Variants in MARCHF1 observed in about 807,000 individuals in gnomAD.
MARCHF1 encodes E3 ubiquitin-protein ligase MARCHF1.
A neutral mutation model predicts 54.2 loss-of-function variants in MARCHF1; 40 were observed. The ratio of observed to expected loss-of-function variants is 0.74; its 90% confidence interval spans 0.57 to 0.96. The LOEUF (loss-of-function observed/expected upper bound fraction) is 0.96, where lower values mean the gene tolerates loss of function less well. Ranked by LOEUF, MARCHF1 falls within the 40% of genes least tolerant of loss-of-function variation. The pLI is 0.00. For missense variants in MARCHF1, 586 were observed against 656.5 expected, an observed-to-expected ratio of 0.89 and a Z score of 1.17; for synonymous variants, 236 against 236.3, an observed-to-expected ratio of 1.00 and a Z score of 0.01.
chr4:163,878,677 A>T (rs749778608), intron 3 of MARCHF1, among the ~76,000 whole-genome samples: 2 of 152,096 alleles, frequency 1.3e-5, no homozygotes, highest in Non-Finnish European at 1.5e-5. Context: ...TAGTTGAAGG[A>T]CTCTTTCCCT....
chr4:163,733,222 CA>C (rs1745921249), intron 4 of MARCHF1, among the ~76,000 whole-genome samples: 1 of 13,060 alleles, frequency 7.7e-5, no homozygotes, highest in African/African-American at 1.6e-4. Context: ...TATATATATA[CA>C]CGTGTATATA....
chr4:163,598,605 C>T (rs1740846884), intron 7 of MARCHF1, among the ~76,000 whole-genome samples: 1 of 152,140 alleles, frequency 6.6e-6, no homozygotes, highest in Admixed American at 6.5e-5. Flanking sequence ...ATTTGAGCAA[C>T]TAAACATAGA....
At chr4:163,985,331 A>C (rs945136459) in intron 3 of MARCHF1, among the ~76,000 whole-genome samples, 2 of 152,120 alleles carry the variant, frequency 1.3e-5, no homozygotes, top group African/African-American at 4.8e-5. Flanking sequence ...TCCCTTCTCT[A>C]ACCCTTAATA....
intron 3 of MARCHF1, among the ~76,000 whole-genome samples, chr4:163,888,789 A>G (rs1200400298): frequency 6.6e-6 from 1 of 152,106 alleles, no homozygotes; most frequent in East Asian, 1.9e-4. Flanking sequence ...TGGCAGCCAG[A>G]GGTCCTCTTC....
intron 1 of MARCHF1, among the ~76,000 whole-genome samples, chr4:164,208,295 T>C (rs367616819): frequency 2.0e-5 from 3 of 152,296 alleles, no homozygotes; most frequent in East Asian, 3.9e-4. Flanking sequence ...AGAATTTAAA[T>C]TGCATCTAGA....
intron 7 of MARCHF1, among the ~76,000 whole-genome samples, chr4:163,591,247 G>C (rs1236102164): frequency 6.6e-6 from 1 of 151,860 alleles, no homozygotes; most frequent in African/African-American, 2.4e-5. Context: ...GTCTGTCTTT[G>C]AGAATTTCCT....
At chr4:163,876,085 C>T (rs1750280648) in intron 3 of MARCHF1, among the ~76,000 whole-genome samples, 1 of 152,058 alleles carries the variant, frequency 6.6e-6, no homozygotes. Flanking sequence ...TAAATATTCA[C>T]AGAAATTATA....
chr4:163,939,377 G>A (rs576652492), intron 3 of MARCHF1, among the ~76,000 whole-genome samples: 2 of 152,268 alleles, frequency 1.3e-5, no homozygotes, highest in African/African-American at 2.4e-5. Context: ...TGATGCAGAT[G>A]ACTTATTTGA....
At chr4:164,100,946 T>C (rs1049973533) in intron 2 of MARCHF1, among the ~76,000 whole-genome samples, 3 of 152,194 alleles carry the variant, frequency 2.0e-5, no homozygotes, top group Non-Finnish European at 2.9e-5. Flanking sequence ...ATTGCCTCAC[T>C]TGGGAAGCGC....
chr4:163,704,938 AATG>A (rs1744907341), intron 4 of MARCHF1, among the ~76,000 whole-genome samples: 1 of 151,720 alleles, frequency 6.6e-6, no homozygotes, highest in Non-Finnish European at 1.5e-5. Context: ...GAACAAAAAA[AATG>A]ATATCAGAAA....
intron 7 of MARCHF1, among the ~76,000 whole-genome samples, chr4:163,605,596 C>G (rs12502313): frequency 1.8e-4 from 28 of 152,252 alleles, no homozygotes; most frequent in Admixed American, 1.8e-3. Flanking sequence ...ACTATCAAGA[C>G]ACATGCACAT....
intron 2 of MARCHF1, among the ~76,000 whole-genome samples, chr4:164,059,665 C>T (rs561347646): frequency 6.6e-6 from 1 of 152,072 alleles, no homozygotes. Flanking sequence ...TAAAAATTAA[C>T]CTGATGCAAA....
At chr4:164,032,290 G>A (rs919916889) in intron 2 of MARCHF1, among the ~76,000 whole-genome samples, 2 of 152,118 alleles carry the variant, frequency 1.3e-5, no homozygotes, top group Non-Finnish European at 2.9e-5. Flanking sequence ...CCAGCTCTTG[G>A]ATTCATTGAT....
At chr4:163,828,275 A>G (rs1748912530) in intron 4 of MARCHF1, among the ~76,000 whole-genome samples, 1 of 152,196 alleles carries the variant, frequency 6.6e-6, no homozygotes, top group Non-Finnish European at 1.5e-5. Context: ...GGACCAACCT[A>G]TAGATGTGTG....
chr4:164,183,809 G>A (rs1420036738), intron 1 of MARCHF1, among the ~76,000 whole-genome samples: 1 of 152,182 alleles, frequency 6.6e-6, no homozygotes, highest in Non-Finnish European at 1.5e-5. Context: ...TAAAGGTCAG[G>A]ATTGTATGGG....
At chr4:163,722,454 G>T (rs139182001) in intron 4 of MARCHF1, among the ~76,000 whole-genome samples, 3,721 of 152,230 alleles carry the variant, frequency 0.024, 155 homozygotes, top group African/African-American at 0.084. Context: ...TTCCAACTAT[G>T]TGGTCAATTT....
chr4:164,254,110 T>C lies in MARCHF1; in HGVS notation c.-323+129760A>G, dbSNP rs145387764. Among the ~76,000 whole-genome samples the C allele has an allele frequency of 7.7e-3, 1,176 of 152,232 alleles. 11 individuals carry two copies. Among genetic ancestry groups the C allele is most frequent in the Middle Eastern group, 0.02 (6 of 294 alleles). Reference sequence around the variant, plus strand: ...TGATCATACAAGTCTATATTTGTTATGAATTTTTTTTGAGAGAGTCTCATT... The same window carrying C: ...TGATCATACAAGTCTATATTTGTTACGAATTTTTTTTGAGAGAGTCTCATT... On this transcript the variant is annotated intron_variant, in intron 1 of 9. Coordinates refer to ENST00000514618, the MANE Select transcript of MARCHF1 (RefSeq NM_001394959.1).
At chr4:163,818,584 C>T (rs1375740602) in intron 4 of MARCHF1, among the ~76,000 whole-genome samples, 1 of 152,034 alleles carries the variant, frequency 6.6e-6, no homozygotes, top group Non-Finnish European at 1.5e-5. Context: ...TTGCTCTGGC[C>T]ATCCTTGCCC....
intron 5 of MARCHF1, among the ~76,000 whole-genome samples, chr4:163,659,187 G>A (rs1743256730): frequency 6.6e-6 from 1 of 151,652 alleles, no homozygotes; most frequent in Non-Finnish European, 1.5e-5. Context: ...TTACTCAGAA[G>A]GTATAAATGT....
Sources: gnomAD v4.1 joint callset for allele counts (sites outside exome capture counted in the v4.1 genomes callset) on GRCh38, gnomAD v4.1.1 for gene constraint, MANE v1.5 for transcripts, NCBI Gene and HGNC (gene_info 2026-07-23, HGNC 2026-07-21) for gene names.